DYNC1H1: variants seen among roughly 807,000 people sequenced by gnomAD.
The protein encoded by DYNC1H1 is cytoplasmic dynein 1 heavy chain 1.
Under a neutral mutation model 527.1 loss-of-function variants are expected in DYNC1H1, and 51 were observed. The ratio of observed to expected loss-of-function variants is 0.10; its 90% CI spans 0.08 to 0.12. The LOEUF is 0.12. Ranked by LOEUF, DYNC1H1 falls within the 10% of genes least tolerant of loss-of-function variation. The probability of loss-of-function intolerance (pLI) is 1.00; values close to 1 mark genes in which losing one functional copy is unlikely to be tolerated. For missense variants in DYNC1H1, 2,771 were observed against 5,971.8 expected (o/e 0.46, Z 17.66); for synonymous variants, 2,189 against 2,278.8 (o/e 0.96, Z 1.12).
At chr14:101,982,337 T>G (rs2047877305) in intron 5 of DYNC1H1, among the ~76,000 whole-genome samples, 1 of 152,144 alleles carries the variant, frequency 6.6e-6, no homozygotes, top group Non-Finnish European at 1.5e-5. Flanking sequence ...CTCACACCTG[T>G]AATCCTAGCA....
rs755038441 is a variant in DYNC1H1, at chr14:102,008,350, T to G, written c.5977+13T>G. 1.2e-6 allele frequency: 2 copies of G among 1,613,972 alleles called. No homozygotes were observed. The highest frequency in any genetic ancestry group is 1.7e-6 in the Non-Finnish European group (2 of 1,179,934). Reference sequence around the variant, plus strand: ...AACTACGACAAGAGTAAGACACCTCTTCTTCAAAAATTACTTAGAGAATGT... The same window carrying G: ...AACTACGACAAGAGTAAGACACCTCGTCTTCAAAAATTACTTAGAGAATGT... On this transcript the variant is annotated intron_variant, in intron 29 of 77. Transcript: ENST00000360184.
At position 102,044,217 on chromosome 14, in the gene DYNC1H1, A is replaced by G; in HGVS notation, c.12685-57A>G. ...AGGAAAGCTGTGCCCCTCGAAAGGA[A>G]GCCCCGGGCCTGCCCGCCTCTGACC... On this transcript the variant is annotated intron_variant, in intron 70 of 77. Transcript: ENST00000360184. The surrounding 1 kb of genome is among the most constrained non-coding windows in gnomAD (Gnocchi z 7.1). 3 of 1,605,518 alleles carry G rather than the reference A, an allele frequency of 1.9e-6. No homozygotes were observed. Among genetic ancestry groups the G allele is most frequent in the Non-Finnish European group, 2.5e-6 (3 of 1,176,606 alleles).
Position 101,965,336 on chromosome 14 carries a change from A to C in DYNC1H1, c.256+389A>C, listed in dbSNP as rs17511872. On this transcript the variant is annotated intron_variant, in intron 1 of 77. Transcript: ENST00000360184. The surrounding 1 kb of genome is among the most constrained non-coding windows in gnomAD (Gnocchi z 4.1). ...GGAGACAGCGTCTCCCTGGGCTGAG[A>C]GCGGGCGAGGCCGCATCCCTGCCTC... Among the ~76,000 whole-genome samples the C allele has an allele frequency of 5.5e-3, 837 of 152,270 alleles. 17 individuals carry two copies. Among genetic ancestry groups the C allele is most frequent in the East Asian group, 0.037 (190 of 5,154 alleles).
At position 102,047,985 on chromosome 14, in the gene DYNC1H1, C is replaced by G; in HGVS notation, c.13175C>G (p.Pro4392Arg). The G allele has an allele frequency of 6.2e-7, 1 of 1,612,542 alleles. No individual in the cohort carries two copies. Among genetic ancestry groups the G allele is most frequent in the Non-Finnish European group, 8.5e-7 (1 of 1,179,992 alleles). ...GCGTCCAACTGGCTGCACCTCATCC[C>G]CCAGACGCTGAGCCACCTCAAGCGC... ...TTASNWLHLI[P>R]QTLSHLKRTV... Residue 4392 changes from proline (P) to arginine (R), a missense_variant, in exon 73 of 78, where the codon CCC becomes CGC. By Grantham distance (103) the Pro-to-Arg change is moderately radical (BLOSUM62 -2). This residue lies in a region of DYNC1H1 where 170 missense variants were observed against 249.8 expected (regional missense o/e 0.68). Coordinates refer to ENST00000360184, the MANE Select transcript of DYNC1H1 (RefSeq NM_001376.5).
chr14:102,048,970 T>C, intron 74 of DYNC1H1: 1 of 465,734 alleles, frequency 2.1e-6, no homozygotes, highest in Non-Finnish European at 4.0e-6. Context: ...TCCAGGATGG[T>C]GACAGACGGT....
In DYNC1H1 at chr14:102,043,241, A is replaced by G. The variant is rs564098136; in HGVS notation, c.12513+493A>G. ...GAGGTTGGCAGTGAGCTGAGATCACATCACTGCACTCCAGCCTGGGCGAAA... is the reference window on the plus strand; with the variant it reads ...GAGGTTGGCAGTGAGCTGAGATCACGTCACTGCACTCCAGCCTGGGCGAAA... On this transcript the variant is annotated intron_variant, in intron 69 of 77. Coordinates refer to ENST00000360184, the MANE Select transcript of DYNC1H1 (RefSeq NM_001376.5). 88 of 231,400 alleles carry G rather than the reference A, an allele frequency of 3.8e-4. No homozygotes were observed. In the South Asian group the frequency reaches 5.2e-3, roughly 14 times the overall value. 14.3% of individuals were successfully genotyped at this position (231,400 alleles called of 1,614,324 possible).
chr14:101,998,212 C>G (rs761512126), intron 16 of DYNC1H1, among the ~76,000 whole-genome samples: 1 of 151,546 alleles, frequency 6.6e-6, no homozygotes, highest in Non-Finnish European at 1.5e-5. Flanking sequence ...CTGGACCCCT[C>G]TCCCCTCTAT....
At position 102,050,168 on chromosome 14, in the gene DYNC1H1, G is replaced by A. The variant is rs147580834; in HGVS notation, c.13782G>A (p.Lys4594=). The stretch of plus-strand genomic sequence containing the variant: ...CCCTGACGCAGCTGCGCTGGGTCAA[G>A]CAGACAAACACCGAGAAGAAGGCCA... ...ALPLTQLRWV[K]QTNTEKKASV... Residue 4594 remains lysine, a synonymous_variant, in exon 77 of 78, where the codon AAG becomes AAA. Transcript: ENST00000360184. 132 of 1,613,994 alleles carry A rather than the reference G, an allele frequency of 8.2e-5. No individual in the cohort carries two copies. Among genetic ancestry groups the A allele is most frequent in the Admixed American group, 3.3e-5 (2 of 59,986 alleles).
At position 101,997,002 on chromosome 14, in the gene DYNC1H1, GA is replaced by G. The variant is rs901417881; in HGVS notation, c.3565-27del. On this transcript the variant is annotated intron_variant, in intron 15 of 77. Coordinates refer to ENST00000360184, the MANE Select transcript of DYNC1H1 (RefSeq NM_001376.5). The surrounding 1 kb of genome is among the most constrained non-coding windows in gnomAD (Gnocchi z 4.8). ...AATAATTTCTATCATTGTTATAGAAGAAAAAACTTGATTTATTTTTTAACTC... is the reference window on the plus strand; with the variant it reads ...AATAATTTCTATCATTGTTATAGAAGAAAAACTTGATTTATTTTTTAACTC... The G allele has an allele frequency of 1.1e-5, 17 of 1,596,910 alleles. No homozygotes were observed. In the African/African-American group the frequency reaches 2.0e-4, roughly 19 times the overall value.
chr14:101,969,048 C>T (rs1334134263), intron 1 of DYNC1H1, among the ~76,000 whole-genome samples: 3 of 151,830 alleles, frequency 2.0e-5, no homozygotes, highest in Non-Finnish European at 2.9e-5. Context: ...GACAGAGTCT[C>T]GCCCTGTCTC....
Position 102,004,797 on chromosome 14 carries a change from T to C in DYNC1H1, c.5085T>C (p.His1695=). 1 of 1,614,180 alleles carries C rather than the reference T, an allele frequency of 6.2e-7. No individual in the cohort carries two copies. Among genetic ancestry groups the C allele is most frequent in the Non-Finnish European group, 8.5e-7 (1 of 1,180,034 alleles). ...AAACTCCTGTGTCAATTACTGAACA[T>C]CCCAAAATCAATGAGTGGCTCACAT... ...MFKTPVSITE[H]PKINEWLTLV... The change falls in exon 25 of 78, where the codon CAT becomes CAC. Residue 1695 remains histidine (H), a synonymous_variant. Transcript: ENST00000360184.
In DYNC1H1 at chr14:102,048,512, T is replaced by G. The variant is rs781073204; in HGVS notation, c.13219-4T>G. ...CTTCTCTTCACCCTTTTGAACGATT[T>G]TAGGATCCTTTGTTCAGGTTCTTTG... On this transcript the variant is annotated splice_polypyrimidine_tract_variant and splice_region_variant and intron_variant, in intron 73 of 77. Coordinates refer to ENST00000360184, the MANE Select transcript of DYNC1H1 (RefSeq NM_001376.5). The G allele has an allele frequency of 6.2e-7, 1 of 1,614,044 alleles. No homozygotes were observed.
intron 50 of DYNC1H1, 84 bp downstream of exon 50, chr14:102,030,022 G>A (rs1427360818): frequency 3.1e-6 from 5 of 1,611,194 alleles, no homozygotes; most frequent in Non-Finnish European, 4.2e-6. Context: ...TTCCAAATGG[G>A]TCTTAGGGTT....
At chr14:102,046,588 G>A (rs1027815764) in intron 72 of DYNC1H1, among the ~76,000 whole-genome samples, 2 of 152,176 alleles carry the variant, frequency 1.3e-5, no homozygotes, top group Non-Finnish European at 2.9e-5. Flanking sequence ...CCAGCCACAT[G>A]GTGGCAGTCA....
intron 1 of DYNC1H1, among the ~76,000 whole-genome samples, chr14:101,966,782 C>T (rs1490350511): frequency 6.6e-6 from 1 of 151,860 alleles, no homozygotes; most frequent in Non-Finnish European, 1.5e-5. Context: ...ACCAGTAATT[C>T]GCTTTTTCCA....
In DYNC1H1 at chr14:102,011,846, T is replaced by A. The variant is rs779960174; in HGVS notation, c.6619-29T>A. On this transcript the variant is annotated intron_variant, in intron 32 of 77. Transcript: ENST00000360184. This position sits in a 1 kb window ranked among gnomAD's most constrained non-coding sequence, Gnocchi z 5.3. ...TGTCCCCATTCCTCCTCTGGGATGG[T>A]CACTGTGCTGGTCTGTTGGGCCCTG... 1.2e-5 allele frequency: 19 copies of A among 1,611,658 alleles called. No individual in the cohort carries two copies. The Middle Eastern group carries it at 4.9e-4, about 42-fold the overall frequency.
Position 102,056,148 on chromosome 14 carries a change from A to T in DYNC1H1, c.*5585A>T, listed in dbSNP as rs759438078. On this transcript the variant is annotated 3_prime_UTR_variant, in exon 78 of 78. Coordinates refer to ENST00000360184, the MANE Select transcript of DYNC1H1 (RefSeq NM_001376.5). The stretch of plus-strand genomic sequence containing the variant: ...CCAGGCCTGGGCCTGCCTGGCCTAA[A>T]CCTAGTCGTTAAAAATCAGCTCATG... 3 of 152,278 alleles carry T rather than the reference A, an allele frequency of 2.0e-5. No homozygotes were observed. Among genetic ancestry groups the T allele is most frequent in the Non-Finnish European group, 4.4e-5 (3 of 67,996 alleles). 9.4% of individuals were successfully genotyped at this position (152,278 alleles called of 1,614,324 possible).
Position 102,005,434 on chromosome 14 carries a change from C to T in DYNC1H1, c.5433+198C>T, listed in dbSNP as rs1030857571. ...TAATCTCAGGGGCATGCAGGGGTTA[C>T]GCGACATCACGGTAGAGAGGAAGGG... On this transcript the variant is annotated intron_variant, in intron 26 of 77. Transcript: ENST00000360184. This position sits in a 1 kb window ranked among gnomAD's most constrained non-coding sequence, Gnocchi z 4.0. Among the ~76,000 whole-genome samples, 27 of 152,172 alleles carry T rather than the reference C, an allele frequency of 1.8e-4. No homozygotes were observed. The highest frequency in any genetic ancestry group is 3.6e-4 in the African/African-American group (15 of 41,430).
At chr14:101,970,470 G>GTTT (rs1324948272) in intron 1 of DYNC1H1, among the ~76,000 whole-genome samples, 2,585 of 96,210 alleles carry the variant, frequency 0.027, 566 homozygotes, top group African/African-American at 0.077. Flanking sequence ...TTGGTTTGTT[G>GTTT]TTGTTTTTTT....
Sources: allele counts gnomAD v4.1 joint callset (sites outside exome capture counted in the v4.1 genomes callset), GRCh38; gene constraint gnomAD v4.1.1; regional missense constraint gnomAD v4.1.1; non-coding constraint Gnocchi (gnomAD v3.1); transcripts MANE v1.5; gene names NCBI Gene and HGNC (gene_info 2026-07-23, HGNC 2026-07-21).